The following AKAP9 variants were observed in gnomAD, a reference collection of about 807,000 sequenced individuals.
AKAP9 encodes A-kinase anchor protein 9.
In AKAP9, 311 loss-of-function variants were observed where a neutral mutation model predicts 488.5. The observed-to-expected ratio is 0.64, with a 90% CI of 0.58 to 0.70. The LOEUF is 0.70. Among genes scored for constraint, AKAP9 ranks in the 30% least tolerant of loss-of-function variants. AKAP9 has a pLI of 0.00. For missense variants in AKAP9, 4,215 were observed against 4,374.5 expected (o/e 0.96, Z 1.03); for synonymous variants, 1,462 against 1,483.5 (o/e 0.99, Z 0.33).
intron 3 of AKAP9, among the ~76,000 whole-genome samples, chr7:91,982,809 T>C (rs1261818621): frequency 2.6e-5 from 4 of 152,192 alleles, no homozygotes; most frequent in African/African-American, 9.6e-5. Context: ...CTCCCAACAG[T>C]GTAAAAGCAT....
chr7:92,012,680 A>G lies in AKAP9; in HGVS notation c.3532+38A>G, dbSNP rs554453350. 61 of 1,495,824 alleles carry G rather than the reference A, an allele frequency of 4.1e-5. No homozygotes were observed. In the South Asian group the frequency reaches 6.8e-4, roughly 17 times the overall value. 92.7% of individuals were successfully genotyped at this position (1,495,824 alleles called of 1,614,324 possible). A position where few individuals can be genotyped will look rare whatever the true frequency, so the allele number is the denominator to read the frequency against. On this transcript the variant is annotated intron_variant, in intron 9 of 49. Coordinates refer to ENST00000356239, the MANE Select transcript of AKAP9 (RefSeq NM_005751.5). ...CTGACTTATAAGTACCATGATCCAA[A>G]TAAGTATTGGATAGAGCCCACCATT... is the stretch of plus-strand genomic sequence containing the variant.
chr7:91,949,735 T>C (rs1791955411), intron 1 of AKAP9, among the ~76,000 whole-genome samples: 3 of 152,198 alleles, frequency 2.0e-5, no homozygotes, highest in Admixed American at 1.3e-4. Context: ...ATATTCAGAG[T>C]ATTCAAAAAT....
chr7:92,074,211 G>T (rs1170786703), intron 28 of AKAP9, among the ~76,000 whole-genome samples: 1 of 152,160 alleles, frequency 6.6e-6, no homozygotes, highest in African/African-American at 2.4e-5. Flanking sequence ...CAAAGGATAC[G>T]AACAGACACT....
At chr7:92,014,554 G>A (rs758362695) in intron 10 of AKAP9, among the ~76,000 whole-genome samples, 13 of 152,146 alleles carry the variant, frequency 8.5e-5, no homozygotes, top group Admixed American at 3.3e-4. Flanking sequence ...GCTTGGGCAT[G>A]GGAGGCAGAG....
intron 1 of AKAP9, among the ~76,000 whole-genome samples, chr7:91,951,975 C>A (rs986804417): frequency 5.3e-5 from 8 of 152,146 alleles, no homozygotes; most frequent in African/African-American, 1.7e-4. Context: ...GGCCCACATC[C>A]CCTCATCTGT....
intron 37 of AKAP9, among the ~76,000 whole-genome samples, chr7:92,087,691 A>T (rs1451180789): frequency 1.3e-5 from 2 of 152,090 alleles, no homozygotes; most frequent in Non-Finnish European, 2.9e-5. Flanking sequence ...AGCCTGGAAC[A>T]TCTTGTTTTG....
chr7:91,955,882 C>G (rs1431289548), intron 1 of AKAP9, among the ~76,000 whole-genome samples: 2 of 152,152 alleles, frequency 1.3e-5, no homozygotes, highest in African/African-American at 4.8e-5. Context: ...GATCGCCCAC[C>G]TTGGCCTCCC....
At chr7:91,991,724 G>A (rs752901680) in intron 3 of AKAP9, among the ~76,000 whole-genome samples, 1 of 152,166 alleles carries the variant, frequency 6.6e-6, no homozygotes, top group Non-Finnish European at 1.5e-5. Flanking sequence ...GCCCGCCTCA[G>A]CCTCCCAAAG....
chr7:92,019,529 T>G (rs1802019786), intron 12 of AKAP9, among the ~76,000 whole-genome samples: 1 of 152,024 alleles, frequency 6.6e-6, no homozygotes, highest in African/African-American at 2.4e-5. Context: ...AATGCCAGGT[T>G]GTTCTGTGTA....
At position 92,070,127 on chromosome 7, in the gene AKAP9, A is replaced by G. The variant is rs1811452226; in HGVS notation, c.6428A>G (p.Asn2143Ser). Residue 2143 changes from asparagine (N) to serine (S), a missense_variant, in exon 27 of 50, where the codon AAT (asparagine) becomes AGT (serine). This residue lies in a region of AKAP9 where 2,361 missense variants were observed against 2,430.0 expected (regional missense o/e 0.97). Coordinates refer to ENST00000356239, the MANE Select transcript of AKAP9 (RefSeq NM_005751.5). ...CTTCAAAGGGATATACAAGAAAGGAATGAAGAAATAGAGAAACTGGAGTTC... is the reference window on the plus strand; with the variant it reads ...CTTCAAAGGGATATACAAGAAAGGAGTGAAGAAATAGAGAAACTGGAGTTC... ...EQLQRDIQER[N>S]EEIEKLEFRV... 2 of 1,614,114 alleles carry G rather than the reference A, an allele frequency of 1.2e-6. No homozygotes were observed. The highest frequency in any genetic ancestry group is 4.5e-5 in the East Asian group (2 of 44,876).
Position 91,973,795 on chromosome 7 carries a change from A to G in AKAP9, c.133A>G (p.Ser45Gly). The G allele has an allele frequency of 6.2e-7, 1 of 1,614,168 alleles. No homozygotes were observed. Among genetic ancestry groups the G allele is most frequent in the Non-Finnish European group, 8.5e-7 (1 of 1,180,022 alleles). Residue 45 changes from serine (S) to glycine (G), a missense_variant, in exon 2 of 50, where the codon AGT becomes GGT. Ser to Gly is a moderately conservative substitution (Grantham distance 56). Around this residue, in one of 5 missense-constraint regions of AKAP9, gnomAD observed 2,361 missense variants for 2,430.0 expected, o/e 0.97. Transcript: ENST00000356239. ...GAAAAAAAAGAGAAAAACGTCAAGC[A>G]GTAAACATGATGTGTCAGCACACCA... ...KQKKKRKTSS[S>G]KHDVSAHHDL...
At chr7:92,095,363 G>T (rs571153499) in intron 40 of AKAP9, among the ~76,000 whole-genome samples, 190 bp downstream of exon 40, 7 of 152,050 alleles carry the variant, frequency 4.6e-5, no homozygotes, top group South Asian at 2.1e-4. Flanking sequence ...GGTTTTTTTT[G>T]TTTGTTTGTT....
At chr7:92,058,257 C>A (rs1379782234) in intron 22 of AKAP9, 1 of 588,064 alleles carries the variant, frequency 1.7e-6, no homozygotes, top group Admixed American at 1.9e-5. Flanking sequence ...GAGGTTGAAT[C>A]TCGCGTGCCT....
At chr7:92,046,006 G>T (rs931809869) in intron 21 of AKAP9, among the ~76,000 whole-genome samples, 2 of 151,630 alleles carry the variant, frequency 1.3e-5, no homozygotes, top group African/African-American at 2.4e-5. Flanking sequence ...GCTAATTTTT[G>T]TATTTTTAGT....
In AKAP9 at chr7:92,003,145, A is replaced by G. The variant is rs1271094330; in HGVS notation, c.3228A>G (p.Pro1076=). 1.2e-6 allele frequency: 2 copies of G among 1,611,444 alleles called. No homozygotes were observed. The highest frequency in any genetic ancestry group is 1.7e-6 in the Non-Finnish European group (2 of 1,178,818). Residue 1076 remains proline (P), a synonymous_variant, in exon 8 of 50, where the codon CCA becomes CCG. Transcript: ENST00000356239. ...KQEQLILDHL[P]SVTKESSLRA... The stretch of plus-strand genomic sequence containing the variant: ...AACAGTTGATTTTGGATCACTTACC[A>G]TCTGTAACAAAGGAATCATCACTTA...
At chr7:91,971,040 C>G (rs1239889665) in intron 1 of AKAP9, among the ~76,000 whole-genome samples, 3 of 152,128 alleles carry the variant, frequency 2.0e-5, no homozygotes, top group Admixed American at 6.6e-5. Flanking sequence ...ATTGCAAAGA[C>G]TCTCTAAGTG....
rs762115704 is a variant in AKAP9, at chr7:92,022,883, A to G, written c.4022A>G (p.Gln1341Arg). Residue 1341 changes from glutamine (Q) to arginine (R), a missense_variant, in exon 14 of 50, where the codon CAA becomes CGA. Transcript: ENST00000356239. ...LEKTKLEEQV[Q>R]ELESLISSLQ... ...AAAACTAAACTTGAAGAACAAGTTC[A>G]AGAATTAGAAAGCCTCATATCCTCT... The G allele has an allele frequency of 6.6e-5, 107 of 1,612,022 alleles. No homozygotes were observed. Among genetic ancestry groups the G allele is most frequent in the Non-Finnish European group, 8.2e-5 (97 of 1,178,362 alleles).
intron 1 of AKAP9, among the ~76,000 whole-genome samples, chr7:91,950,227 C>CTTT (rs1363169233): frequency 3.0e-5 from 4 of 133,376 alleles, no homozygotes; most frequent in Admixed American, 7.6e-5. Context: ...CAGGGTCTCA[C>CTTT]TTTTTTTTTT....
intron 16 of AKAP9, among the ~76,000 whole-genome samples, chr7:92,033,900 A>G (rs1324533524): frequency 1.3e-5 from 2 of 152,260 alleles, no homozygotes; most frequent in Non-Finnish European, 2.9e-5. Flanking sequence ...GTGCTGAAGT[A>G]TAACAGAGAA....
Sources: allele counts gnomAD v4.1 joint callset (sites outside exome capture counted in the v4.1 genomes callset), GRCh38; gene constraint gnomAD v4.1.1; regional missense constraint gnomAD v4.1.1; transcripts MANE v1.5; gene names NCBI Gene and HGNC (gene_info 2026-07-23, HGNC 2026-07-21).